CCSER1: variants seen among roughly 807,000 people sequenced by gnomAD.
CCSER1 encodes coiled-coil serine rich protein 1, also known as serine-rich coiled-coil domain-containing protein 1.
CCSER1 carries 41 observed loss-of-function variants against 82.0 expected under a neutral mutation model. The observed-to-expected ratio is 0.50, with a 90% CI of 0.39 to 0.65. CCSER1 has a LOEUF of 0.65. CCSER1 is among the 30% of genes least tolerant of loss of function. CCSER1 has a pLI of 0.00. For missense variants in CCSER1, 1,119 were observed against 1,064.2 expected, an observed-to-expected ratio of 1.05 and a Z score of -0.72; for synonymous variants, 414 against 383.9, an observed-to-expected ratio of 1.08 and a Z score of -0.92.
At chr4:91,088,778 T>G (rs1723639764) in intron 10 of CCSER1, among the ~76,000 whole-genome samples, 1 of 152,204 alleles carries the variant, frequency 6.6e-6, no homozygotes, top group African/African-American at 2.4e-5. Flanking sequence ...ATAAACAATT[T>G]TCTTGCATCC....
chr4:90,908,364 C>A (rs1725812455), intron 8 of CCSER1, among the ~76,000 whole-genome samples: 1 of 151,942 alleles, frequency 6.6e-6, no homozygotes, highest in Admixed American at 6.6e-5. Flanking sequence ...TGAGGAGAGT[C>A]ATGTTTGCAA....
chr4:90,538,421 G>A (rs1038317274), intron 5 of CCSER1, among the ~76,000 whole-genome samples: 3 of 151,812 alleles, frequency 2.0e-5, no homozygotes, highest in Admixed American at 6.6e-5. Context: ...ATTTGCAGGG[G>A]ATATTATGGG....
Position 91,124,503 on chromosome 4 carries a change from A to G in CCSER1, c.2217+38509A>G, listed in dbSNP as rs1057045114. Among the ~76,000 whole-genome samples the G allele has an allele frequency of 2.0e-5, 3 of 151,748 alleles. No individual in the cohort carries two copies. The South Asian group carries it at 6.2e-4, about 32-fold the overall frequency. Reference sequence around the variant, plus strand: ...TCTGAGGAAGACAGGACTTGATTCAAGCTTCCCCATCTCCCTCATCCCATT... The same window carrying G: ...TCTGAGGAAGACAGGACTTGATTCAGGCTTCCCCATCTCCCTCATCCCATT... On this transcript the variant is annotated intron_variant, in intron 10 of 10. Transcript: ENST00000509176.
intron 1 of CCSER1, among the ~76,000 whole-genome samples, chr4:90,297,391 G>T (rs905271345): frequency 1.3e-5 from 2 of 151,756 alleles, no homozygotes; most frequent in African/African-American, 4.9e-5. Context: ...AGGAGATTTT[G>T]GGCTGAGACA....
At chr4:90,431,159 G>A (rs1361037730) in intron 4 of CCSER1, among the ~76,000 whole-genome samples, 6 of 152,004 alleles carry the variant, frequency 3.9e-5, no homozygotes, top group Non-Finnish European at 8.8e-5. Context: ...AGATATAATG[G>A]AGGAATGTTA....
chr4:90,911,394 G>A (rs62312306), intron 8 of CCSER1: 30,094 of 441,136 alleles, frequency 0.068, 1,472 homozygotes, highest in Admixed American at 0.17. Context: ...GTATAATGTT[G>A]CATTTTCATT....
At chr4:90,700,795 A>G (rs1274975503) in intron 6 of CCSER1, among the ~76,000 whole-genome samples, 1 of 152,146 alleles carries the variant, frequency 6.6e-6, no homozygotes, top group Non-Finnish European at 1.5e-5. Flanking sequence ...TGCTTTTGAG[A>G]CGTGACTGTT....
intron 5 of CCSER1, among the ~76,000 whole-genome samples, chr4:90,594,779 C>T (rs1257008164): frequency 6.6e-6 from 1 of 151,818 alleles, no homozygotes; most frequent in Non-Finnish European, 1.5e-5. Context: ...TGCTTTTTAG[C>T]CCCAAACATT....
intron 10 of CCSER1, among the ~76,000 whole-genome samples, chr4:91,181,263 C>T (rs1242059021): frequency 6.6e-6 from 1 of 152,222 alleles, no homozygotes; most frequent in Admixed American, 6.5e-5. Flanking sequence ...CTACTTCTCA[C>T]AGGAGTCAGG....
Position 90,859,355 on chromosome 4 carries a change from T to C in CCSER1, c.2094+43510T>C, listed in dbSNP as rs571469364. Among the ~76,000 whole-genome samples the C allele has an allele frequency of 4.5e-3, 690 of 152,016 alleles. 9 individuals are homozygous for C. The highest frequency in any genetic ancestry group is 0.016 in the African/African-American group (658 of 41,546). ...GTATTTTGAAGGAATATTGACTGCA[T>C]ATTTAATTAATTTCTCTTTCAAAAT... On this transcript the variant is annotated intron_variant, in intron 8 of 10. Coordinates refer to ENST00000509176, the MANE Select transcript of CCSER1 (RefSeq NM_001145065.2).
At chr4:91,572,366 C>G (rs1763226399) in intron 10 of CCSER1, among the ~76,000 whole-genome samples, 1 of 152,004 alleles carries the variant, frequency 6.6e-6, no homozygotes. Flanking sequence ...TGGCTGGCTA[C>G]CCTGGTTGGT....
At chr4:90,145,537 A>G (rs1263884550) in intron 1 of CCSER1, among the ~76,000 whole-genome samples, 1 of 151,944 alleles carries the variant, frequency 6.6e-6, no homozygotes, top group Non-Finnish European at 1.5e-5. Flanking sequence ...TTCAATATCT[A>G]TTGTGTCAAG....
intron 3 of CCSER1, among the ~76,000 whole-genome samples, chr4:90,331,035 G>A (rs1739184150): frequency 6.6e-6 from 1 of 151,752 alleles, no homozygotes; most frequent in African/African-American, 2.4e-5. Context: ...ATAAAATACA[G>A]TGATTTATAA....
chr4:90,149,619 C>T lies in CCSER1; in HGVS notation c.-42+21788C>T, dbSNP rs181159432. 6.6e-5 allele frequency among the ~76,000 whole-genome samples: 10 copies of T among 152,130 alleles called. No individual in the cohort carries two copies. The East Asian group carries it at 9.7e-4, about 15-fold the overall frequency. ...GTAATTGAAATTAAAAATAAACTTA[C>T]GAATATCTTTGGCCTCTATATGACA... On this transcript the variant is annotated intron_variant, in intron 1 of 10. Coordinates refer to ENST00000509176, the MANE Select transcript of CCSER1 (RefSeq NM_001145065.2).
rs914476561 is a variant in CCSER1 at position 91,134,603 on chromosome 4, T to C, written c.2217+48609T>C. Among the ~76,000 whole-genome samples the C allele has an allele frequency of 7.2e-5, 11 of 152,206 alleles. No individual in the cohort carries two copies. In the South Asian group the frequency reaches 2.1e-3, roughly 29 times the overall value. On this transcript the variant is annotated intron_variant, in intron 10 of 10. Transcript: ENST00000509176. ...AATATTAGGCAAATAAATGGGGAGATTGGAAAATTATTCCTTATAGTAAAG... is the reference window on the plus strand; with the variant it reads ...AATATTAGGCAAATAAATGGGGAGACTGGAAAATTATTCCTTATAGTAAAG...
At chr4:91,116,448 C>A (rs1726609363) in intron 10 of CCSER1, among the ~76,000 whole-genome samples, 1 of 152,110 alleles carries the variant, frequency 6.6e-6, no homozygotes, top group South Asian at 2.1e-4. Context: ...CAAATCCCTG[C>A]TAGGTAATTT....
At position 91,169,386 on chromosome 4, in the gene CCSER1, C is replaced by T. The variant is rs13435880; in HGVS notation, c.2217+83392C>T. On this transcript the variant is annotated intron_variant, in intron 10 of 10. Transcript: ENST00000509176. ...CTATAATCCCAGCACTTTGGGAGGCCGAGGCGGGTGGATCATTTGAGGTCA... is the reference window on the plus strand; with the variant it reads ...CTATAATCCCAGCACTTTGGGAGGCTGAGGCGGGTGGATCATTTGAGGTCA... Among the ~76,000 whole-genome samples the T allele has an allele frequency of 1.9e-3, 293 of 151,912 alleles. 1 individual carries two copies. Among genetic ancestry groups the T allele is most frequent in the Non-Finnish European group, 3.3e-3 (226 of 67,952 alleles).
intron 9 of CCSER1, among the ~76,000 whole-genome samples, chr4:90,985,038 T>C (rs984178669): frequency 1.3e-5 from 2 of 151,726 alleles, no homozygotes; most frequent in Non-Finnish European, 2.9e-5. Flanking sequence ...GGTTTTGGAT[T>C]GGAAAGGAAC....
chr4:90,495,044 G>T (rs1768762027), intron 5 of CCSER1, among the ~76,000 whole-genome samples: 1 of 151,974 alleles, frequency 6.6e-6, no homozygotes. Flanking sequence ...TCTTAATCTA[G>T]CTTCAACATT....
Sources: gnomAD v4.1 joint callset for allele counts (sites outside exome capture counted in the v4.1 genomes callset) on GRCh38, gnomAD v4.1.1 for gene constraint, MANE v1.5 for transcripts, NCBI Gene and HGNC (gene_info 2026-07-23, HGNC 2026-07-21) for gene names.